CCDC171: variants seen among roughly 807,000 people sequenced by gnomAD.
CCDC171 encodes the protein coiled-coil domain-containing protein 171.
CCDC171 carries 177 observed loss-of-function variants against 168.2 expected under a neutral mutation model. The observed-to-expected ratio is 1.05, with a 90% confidence interval of 0.93 to 1.19. The LOEUF (loss-of-function observed/expected upper bound fraction) is 1.19. Among genes scored for constraint, CCDC171 ranks in the 50% most tolerant of loss-of-function variants. The probability of loss-of-function intolerance (pLI) is 0.00; values close to 1 mark genes in which losing one functional copy is unlikely to be tolerated. For missense variants in CCDC171, 1,991 were observed against 1,539.0 expected (o/e 1.29, Z -4.91); for synonymous variants, 687 against 540.8 (o/e 1.27, Z -3.75).
chr9:15,842,347 A>T (rs1368339930), intron 21 of CCDC171, among the ~76,000 whole-genome samples: 1 of 152,072 alleles, frequency 6.6e-6, no homozygotes, highest in Non-Finnish European at 1.5e-5. Flanking sequence ...TTCGCTTGGC[A>T]TCCAGAAATA....
In CCDC171 at chr9:15,817,123, C is replaced by T. The variant is rs534520089; in HGVS notation, c.3268-29579C>T. Among the ~76,000 whole-genome samples, 142 of 117,698 alleles carry T rather than the reference C, an allele frequency of 1.2e-3. 43 individuals carry two copies. Among genetic ancestry groups the T allele is most frequent in the African/African-American group, 4.1e-3 (129 of 31,344 alleles). 77.2% of individuals were successfully genotyped at this position (117,698 alleles called of 152,430 possible). On this transcript the variant is annotated intron_variant, in intron 21 of 25. Coordinates refer to ENST00000380701, the MANE Select transcript of CCDC171 (RefSeq NM_173550.4). ...TTCCATTCTGATTGGCATTGGCTGT[C>T]ATTAGGTGTTACCATTAAAACACCA...
intron 11 of CCDC171, among the ~76,000 whole-genome samples, chr9:15,697,928 G>T (rs188782687): frequency 1.3e-5 from 2 of 152,120 alleles, no homozygotes; most frequent in Non-Finnish European, 2.9e-5. Flanking sequence ...TTTGATACAT[G>T]CATGAAATAT....
At chr9:15,630,910 C>G (rs1176163554) in intron 7 of CCDC171, among the ~76,000 whole-genome samples, 1 of 152,188 alleles carries the variant, frequency 6.6e-6, no homozygotes, top group Non-Finnish European at 1.5e-5. Flanking sequence ...ACAACCTGCT[C>G]CTGAATGACT....
At chr9:15,841,619 T>G (rs955453892) in intron 21 of CCDC171, among the ~76,000 whole-genome samples, 1 of 152,008 alleles carries the variant, frequency 6.6e-6, no homozygotes, top group African/African-American at 2.4e-5. Flanking sequence ...TACATAACTT[T>G]GTATTTAAAT....
intron 7 of CCDC171, 60 bp downstream of exon 7, chr9:15,623,473 G>GCGCA: frequency 2.2e-6 from 1 of 464,174 alleles, no homozygotes; most frequent in African/African-American, 3.6e-5. Flanking sequence ...ATGCGCGCGC[G>GCGCA]CGCACACACA....
intron 6 of CCDC171, among the ~76,000 whole-genome samples, chr9:15,598,697 A>C (rs1215309749): frequency 1.3e-5 from 2 of 151,990 alleles, no homozygotes; most frequent in Non-Finnish European, 1.5e-5. Flanking sequence ...CAATTCCTGG[A>C]TATCCTTGTT....
At chr9:15,850,191 A>G (rs1297596480) in intron 23 of CCDC171, 1 of 151,912 alleles carries the variant, frequency 6.6e-6, no homozygotes, top group Admixed American at 6.6e-5. Context: ...TATATAGTTA[A>G]TGTTGACTTT....
intron 7 of CCDC171, among the ~76,000 whole-genome samples, chr9:15,632,256 G>C (rs184599303): frequency 4.0e-5 from 6 of 149,886 alleles, no homozygotes; most frequent in Non-Finnish European, 8.9e-5. Context: ...CAACATGATT[G>C]TATATCTAGA....
At chr9:16,067,813 T>C in the CCDC171 span, among the ~76,000 whole-genome samples, 1 of 152,216 alleles carries the variant, frequency 6.6e-6, no homozygotes, top group Non-Finnish European at 1.5e-5. Flanking sequence ...TTCTGTTCCA[T>C]TGATCTATAT....
chr9:15,692,589 G>A (rs1258663961), intron 10 of CCDC171, among the ~76,000 whole-genome samples: 1 of 149,688 alleles, frequency 6.7e-6, no homozygotes, highest in Non-Finnish European at 1.5e-5. Flanking sequence ...GTGCAGTGGC[G>A]CGATGTCGGC....
rs186972932 is a variant in CCDC171, at chr9:15,649,873, G to A, written c.823-7254G>A. Among the ~76,000 whole-genome samples the A allele has an allele frequency of 5.2e-4, 79 of 152,286 alleles. 2 individuals carry two copies. In the South Asian group the frequency reaches 0.016, roughly 31 times the overall value. On this transcript the variant is annotated intron_variant, in intron 7 of 25. Coordinates refer to ENST00000380701, the MANE Select transcript of CCDC171 (RefSeq NM_173550.4). ...TCAAGGATCTAAAACTAGAAATACG[G>A]TTTGAGCCAGCCATCCCATTACTGG...
Position 15,724,908 on chromosome 9 carries a change from A to G in CCDC171, c.1624A>G (p.Lys542Glu). The G allele has an allele frequency of 6.2e-7, 1 of 1,614,008 alleles. No individual in the cohort carries two copies. ...QNVLHCWEKE[K>E]AQAAQSESEL... ...TGTGCTGCACTGTTGGGAGAAAGAA[A>G]AGGCTCAGGCAGCCCAGTCTGAAAG... Residue 542 changes from lysine to glutamate, a missense_variant, in exon 14 of 26, where the codon AAG becomes GAG. Transcript: ENST00000380701.
upstream of CCDC171, among the ~76,000 whole-genome samples, chr9:16,042,614 T>C (rs970537369): frequency 1.3e-5 from 2 of 152,150 alleles, no homozygotes; most frequent in African/African-American, 4.8e-5. Flanking sequence ...TGGGGCACAT[T>C]TGAGTTCAAT....
intron 23 of CCDC171, among the ~76,000 whole-genome samples, chr9:15,869,513 G>GTTTTTTTTTTTTTTTTT (rs72548935): frequency 6.8e-6 from 1 of 147,978 alleles, no homozygotes; most frequent in African/African-American, 2.5e-5. Context: ...AAAGCGTAGT[G>GTTTTTTTTTTTTTTTTT]TTTTTTTTTT....
intron 24 of CCDC171, among the ~76,000 whole-genome samples, chr9:15,902,894 C>A (rs953088127): frequency 3.5e-4 from 53 of 152,336 alleles, no homozygotes; most frequent in Admixed American, 2.7e-3. Flanking sequence ...TATCCTGTGC[C>A]TGGCTCAGAG....
intron 25 of CCDC171, among the ~76,000 whole-genome samples, chr9:15,930,501 C>G (rs1826384009): frequency 1.3e-5 from 2 of 151,422 alleles, no homozygotes; most frequent in South Asian, 2.1e-4. Flanking sequence ...GCACCCCTAC[C>G]TCTGGGTGTT....
At chr9:15,735,314 A>C (rs1410592256) in intron 16 of CCDC171, among the ~76,000 whole-genome samples, 10 of 152,194 alleles carry the variant, frequency 6.6e-5, no homozygotes, top group East Asian at 1.9e-4. Context: ...ATCTGGGCCC[A>C]GTGCCACATA....
At chr9:15,796,450 G>C (rs116451840) in intron 21 of CCDC171, among the ~76,000 whole-genome samples, 1 of 152,208 alleles carries the variant, frequency 6.6e-6, no homozygotes, top group African/African-American at 2.4e-5. Context: ...TTAAAGTTAT[G>C]GGAGAAAAAG....
At position 15,629,223 on chromosome 9, in the gene CCDC171, A is replaced by G. The variant is rs537460524; in HGVS notation, c.822+5810A>G. 3.3e-5 allele frequency among the ~76,000 whole-genome samples: 5 copies of G among 152,276 alleles called. No homozygotes were observed. In the South Asian group the frequency reaches 8.3e-4, roughly 25 times the overall value. On this transcript the variant is annotated intron_variant, in intron 7 of 25. Transcript: ENST00000380701. ...TGAGAGAAGAAGGCTTCAGACGATC[A>G]AACTACTCCGAGCTACAAGAGGAAA...
Sources: allele counts gnomAD v4.1 joint callset (sites outside exome capture counted in the v4.1 genomes callset), GRCh38; gene constraint gnomAD v4.1.1; transcripts MANE v1.5; gene names NCBI Gene and HGNC (gene_info 2026-07-23, HGNC 2026-07-21).